DENND4A: variants seen among roughly 807,000 people sequenced by gnomAD.
DENND4A encodes the protein DENN domain containing 4A.
In DENND4A, 70 loss-of-function variants were observed where a neutral mutation model predicts 199.3. That is an observed-to-expected ratio of 0.35 (90% confidence interval 0.29 to 0.43). The LOEUF is 0.43. DENND4A is among the 20% of genes least tolerant of loss of function. The probability of loss-of-function intolerance (pLI) is 1.00; values close to 1 mark genes in which losing one functional copy is unlikely to be tolerated. For synonymous variants in DENND4A, 686 were observed against 766.9 expected, an observed-to-expected ratio of 0.89 and a Z score of 1.74; for missense variants, 1,723 against 2,255.8, an observed-to-expected ratio of 0.76 and a Z score of 4.78.
At chr15:65,702,816 A>G in intron 16 of DENND4A, 57 bp downstream of exon 16, 1 of 1,489,100 alleles carries the variant, frequency 6.7e-7, no homozygotes, top group Non-Finnish European at 9.3e-7. Context: ...GGGAGGATAA[A>G]TATCCAATTT....
chr15:65,748,398 G>A (rs1200113194), intron 4 of DENND4A, among the ~76,000 whole-genome samples: 2 of 152,006 alleles, frequency 1.3e-5, no homozygotes, highest in South Asian at 2.1e-4. Flanking sequence ...AGGGAGGATT[G>A]CTTGAGGCCA....
At chr15:65,761,507 G>A (rs1417072087) in intron 1 of DENND4A, 69 bp from the exon 2 acceptor site, 1 of 152,076 alleles carries the variant, frequency 6.6e-6, no homozygotes, top group East Asian at 1.9e-4. Flanking sequence ...ATATGCCTGT[G>A]GATACTTAAA....
At chr15:65,761,901 A>G (rs2076859475) in intron 1 of DENND4A, among the ~76,000 whole-genome samples, 2 of 152,220 alleles carry the variant, frequency 1.3e-5, no homozygotes, top group South Asian at 2.1e-4. Context: ...TCAATACCCA[A>G]AAGTACTTTC....
intron 12 of DENND4A, 81 bp from the exon 13 acceptor site, chr15:65,718,077 TCAAAAGGAC>T (rs1306650508): frequency 1.9e-6 from 2 of 1,072,778 alleles, no homozygotes; most frequent in Non-Finnish European, 1.3e-6. Context: ...TGTTGTATTT[TCAAAAGGAC>T]CCAAGCTACC....
intron 1 of DENND4A, among the ~76,000 whole-genome samples, chr15:65,761,727 T>C (rs1385380709): frequency 3.3e-5 from 5 of 151,166 alleles, no homozygotes; most frequent in African/African-American, 7.3e-5. Flanking sequence ...TAAATAAGGG[T>C]ACAAAAGAGG....
chr15:65,664,604 C>G lies in DENND4A; in HGVS notation c.5478G>C (p.Gln1826His). 1 of 1,613,110 alleles carries G rather than the reference C, an allele frequency of 6.2e-7. No individual in the cohort carries two copies. Among genetic ancestry groups the G allele is most frequent in the East Asian group, 2.2e-5 (1 of 44,726 alleles). ...GACACTTATTCAGTGTCTCTAAAAT[C>G]TGACTCATTGGTCCATAGACATCAT... ...KMNDVYGPMS[Q>H]ILETLNKCPH... The change falls in exon 31 of 33, where the codon CAG (glutamine) becomes CAC (histidine). Residue 1826 changes from glutamine to histidine, a missense_variant. Coordinates refer to ENST00000443035, the MANE Select transcript of DENND4A (RefSeq NM_001320835.1).
intron 12 of DENND4A, among the ~76,000 whole-genome samples, chr15:65,718,410 A>C (rs2075482781): frequency 6.6e-6 from 1 of 152,152 alleles, no homozygotes; most frequent in Non-Finnish European, 1.5e-5. Flanking sequence ...AATGATTGTA[A>C]CCGAGAAGGC....
At chr15:65,784,732 T>C (rs1406099826) in intron 1 of DENND4A, among the ~76,000 whole-genome samples, 3 of 152,140 alleles carry the variant, frequency 2.0e-5, no homozygotes, top group African/African-American at 4.8e-5. Flanking sequence ...CATTTTTTTA[T>C]GTGCACATTT....
intron 1 of DENND4A, among the ~76,000 whole-genome samples, chr15:65,790,290 C>T (rs1437272432): frequency 1.3e-5 from 2 of 152,088 alleles, no homozygotes; most frequent in African/African-American, 4.8e-5. Context: ...CTCTCTTGCA[C>T]AGACAAAAAA....
At chr15:65,703,526 G>A (rs977278843) in intron 15 of DENND4A, among the ~76,000 whole-genome samples, 2 of 152,214 alleles carry the variant, frequency 1.3e-5, no homozygotes, top group Non-Finnish European at 2.9e-5. Context: ...GAATTGGTTT[G>A]TCAGGTTAGC....
At position 65,735,685 on chromosome 15, in the gene DENND4A, T is replaced by A. The variant is rs937853997; in HGVS notation, c.1040+2022A>T. Among the ~76,000 whole-genome samples, 8 of 152,352 alleles carry A rather than the reference T, an allele frequency of 5.3e-5. No individual in the cohort carries two copies. In the East Asian group the frequency reaches 1.5e-3, roughly 29 times the overall value. On this transcript the variant is annotated intron_variant, in intron 7 of 32. Transcript: ENST00000443035. ...AAAGGGAAACTATACATAAATAACT[T>A]CTGCTGTATACAGAAGCACAATGGT...
intron 14 of DENND4A, among the ~76,000 whole-genome samples, chr15:65,710,124 T>A (rs887392426): frequency 2.1e-4 from 32 of 152,204 alleles, no homozygotes; most frequent in African/African-American, 7.5e-4. Context: ...AGTACTAAGA[T>A]ATGCTCCTTA....
intron 22 of DENND4A, among the ~76,000 whole-genome samples, chr15:65,693,104 A>G (rs2077028236): frequency 6.6e-6 from 1 of 152,194 alleles, no homozygotes; most frequent in African/African-American, 2.4e-5. Context: ...AAGTTTACAC[A>G]CATGCTAAAT....
In DENND4A at chr15:65,748,622, T is replaced by TA. The variant is rs35086835; in HGVS notation, c.561+3756dup. On this transcript the variant is annotated intron_variant, in intron 4 of 32. Coordinates refer to ENST00000443035, the MANE Select transcript of DENND4A (RefSeq NM_001320835.1). ...GGGTGACAGAACAAGATCCTGTCTC[T>TA]AAAAAAAAAAAAACAAACAAAAAAA... is the stretch of plus-strand genomic sequence containing the variant. Among the ~76,000 whole-genome samples, 1,013 of 127,678 alleles carry TA rather than the reference T, an allele frequency of 7.9e-3. 3 individuals carry two copies. Among genetic ancestry groups the TA allele is most frequent in the Middle Eastern group, 0.024 (6 of 252 alleles). The allele number at this position is 127,678 out of a possible 152,430, so 83.8% of individuals were successfully genotyped here.
chr15:65,683,890 T>C (rs2076664825), intron 23 of DENND4A, among the ~76,000 whole-genome samples: 1 of 152,226 alleles, frequency 6.6e-6, no homozygotes. Flanking sequence ...TTAATCTCCA[T>C]TGCCTTCCTA....
At position 65,756,346 on chromosome 15, in the gene DENND4A, A is replaced by C; in HGVS notation, c.105T>G (p.Cys35Trp). 6.2e-7 allele frequency: 1 copy of C among 1,613,908 alleles called. No individual in the cohort carries two copies. The highest frequency in any genetic ancestry group is 8.5e-7 in the Non-Finnish European group (1 of 1,179,832). ...LEEEIHFNDA[C>W]HKVAKPKEPI... ...GTTCTTTTGGTTTAGCTACTTTATG[A>C]CAAGCATCATTGAAGTGAATTTCTT... Residue 35 changes from cysteine to tryptophan, a missense_variant, in exon 3 of 33, where the codon TGT becomes TGG. Coordinates refer to ENST00000443035, the MANE Select transcript of DENND4A (RefSeq NM_001320835.1).
chr15:65,752,347 G>C (rs747969925), intron 4 of DENND4A, 32 bp downstream of exon 4: 1 of 830,840 alleles, frequency 1.2e-6, no homozygotes, highest in Non-Finnish European at 1.7e-6. Flanking sequence ...TTCATCAGTG[G>C]TTAATGTTAC....
intron 1 of DENND4A, among the ~76,000 whole-genome samples, chr15:65,779,780 G>C (rs2077387940): frequency 6.6e-6 from 1 of 152,216 alleles, no homozygotes; most frequent in South Asian, 2.1e-4. Context: ...CTGCCAAGTA[G>C]CTGGGATTAC....
chr15:65,765,439 G>C (rs746354978), intron 1 of DENND4A, among the ~76,000 whole-genome samples: 1 of 152,158 alleles, frequency 6.6e-6, no homozygotes, highest in Admixed American at 6.5e-5. Context: ...TTTAGTTTGA[G>C]ATAATTGTAG....
Sources: allele counts gnomAD v4.1 joint callset (sites outside exome capture counted in the v4.1 genomes callset), GRCh38; gene constraint gnomAD v4.1.1; transcripts MANE v1.5; gene names NCBI Gene and HGNC (gene_info 2026-07-23, HGNC 2026-07-21).